The following DCAF10 variants were observed in gnomAD, a reference collection of about 807,000 sequenced individuals.
DCAF10 encodes DDB1- and CUL4-associated factor 10.
DCAF10 carries 19 observed loss-of-function variants against 51.9 expected under a neutral mutation model. The observed-to-expected ratio is 0.37, with a 90% CI of 0.26 to 0.54. The LOEUF is 0.54. DCAF10 is among the 20% of genes least tolerant of loss of function. The probability of loss-of-function intolerance (pLI) is 0.87; values close to 1 mark genes in which losing one functional copy is unlikely to be tolerated. For missense variants in DCAF10, 510 were observed against 730.6 expected (o/e 0.70, Z 3.48); for synonymous variants, 291 against 297.1 (o/e 0.98, Z 0.21).
At chr9:37,860,349 T>C (rs1392071033) in intron 6 of DCAF10, 156 bp downstream of exon 6, 1 of 928,354 alleles carries the variant, frequency 1.1e-6, no homozygotes, top group African/African-American at 1.7e-5. Context: ...CTGTCCTCTC[T>C]TGCTTCATAT....
chr9:37,852,926 G>A (rs1406677370), intron 3 of DCAF10, among the ~76,000 whole-genome samples: 1 of 98,962 alleles, frequency 1.0e-5, no homozygotes, highest in African/African-American at 3.4e-5. Flanking sequence ...TTAAGTATGT[G>A]AGGTTATATA....
chr9:37,861,764 T>G lies in DCAF10; in HGVS notation c.*256T>G. ...CTGATCTGTGCCACTGAACTCCAGT[T>G]CTTCTGGTCATTTTGCATGGTAGCT... On this transcript the variant is annotated 3_prime_UTR_variant, in exon 7 of 7. Transcript: ENST00000377724. The surrounding 1 kb of genome is among the most constrained non-coding windows in gnomAD (Gnocchi z 4.9). The G allele has an allele frequency of 2.7e-6, 1 of 371,208 alleles. No individual in the cohort carries two copies. The highest frequency in any genetic ancestry group is 4.9e-6 in the Non-Finnish European group (1 of 204,842). 23.0% of individuals were successfully genotyped at this position (371,208 alleles called of 1,614,324 possible).
intron 2 of DCAF10, among the ~76,000 whole-genome samples, chr9:37,834,213 C>A (rs926653452): frequency 6.6e-6 from 1 of 152,114 alleles, no homozygotes; most frequent in Admixed American, 6.5e-5. Context: ...ACTGGAATTA[C>A]GGGAGTGAGA....
intron 3 of DCAF10, among the ~76,000 whole-genome samples, chr9:37,848,196 A>G (rs1210536333): frequency 6.6e-6 from 1 of 152,238 alleles, no homozygotes; most frequent in Non-Finnish European, 1.5e-5. Context: ...GAGTTACCAT[A>G]TGATCCACCA....
intron 1 of DCAF10, among the ~76,000 whole-genome samples, chr9:37,817,056 C>A (rs1829561746): frequency 6.6e-6 from 1 of 151,964 alleles, no homozygotes; most frequent in South Asian, 2.1e-4. Flanking sequence ...CATAGAATAC[C>A]AATATACAGT....
chr9:37,800,651 A>ATG (rs1828887580), upstream of DCAF10: 3 of 1,535,960 alleles, frequency 2.0e-6, no homozygotes, highest in Admixed American at 2.0e-5. Flanking sequence ...CACACAGGTA[A>ATG]CTACTCGCTC....
At position 37,834,009 on chromosome 9, in the gene DCAF10, G is replaced by A. The variant is rs375580902; in HGVS notation, c.654-8080G>A. On this transcript the variant is annotated intron_variant, in intron 2 of 6. Transcript: ENST00000377724. ...GGCTGGAGTGCAGTGGTGCGATCTC[G>A]GCTCACTGCAGCCTCCGCCCCGCCA... 9.2e-5 allele frequency among the ~76,000 whole-genome samples: 14 copies of A among 152,020 alleles called. No homozygotes were observed. In the South Asian group the frequency reaches 2.7e-3, roughly 29 times the overall value.
intron 2 of DCAF10, among the ~76,000 whole-genome samples, chr9:37,831,488 T>C (rs754633796): frequency 2.0e-5 from 3 of 152,208 alleles, no homozygotes; most frequent in African/African-American, 4.8e-5. Flanking sequence ...GAATTCATAC[T>C]CAGTTCCATT....
intron 2 of DCAF10, among the ~76,000 whole-genome samples, chr9:37,822,400 C>G (rs1168048716): frequency 1.8e-5 from 2 of 109,752 alleles, no homozygotes; most frequent in Non-Finnish European, 3.7e-5. Flanking sequence ...GATAAAGAAA[C>G]TGTGATATAT....
At chr9:37,840,532 GAA>G (rs1830301539) in intron 2 of DCAF10, among the ~76,000 whole-genome samples, 1 of 151,830 alleles carries the variant, frequency 6.6e-6, no homozygotes. Flanking sequence ...TATAAAGAAA[GAA>G]AATATTTTTG....
chr9:37,814,118 ATATATATATT>A (rs1829447907), intron 1 of DCAF10, among the ~76,000 whole-genome samples: 1 of 82,776 alleles, frequency 1.2e-5, no homozygotes, highest in African/African-American at 5.3e-5. Flanking sequence ...ATATATATAT[ATATATATATT>A]TGTTGTTGTT....
intron 3 of DCAF10, among the ~76,000 whole-genome samples, chr9:37,853,743 A>AT (rs1254733236): frequency 1.3e-5 from 2 of 151,854 alleles, no homozygotes; most frequent in Non-Finnish European, 2.9e-5. Context: ...CTAACTTTTT[A>AT]TTTTTTGTAG....
intron 1 of DCAF10, among the ~76,000 whole-genome samples, chr9:37,802,575 T>G (rs1426200489): frequency 6.6e-6 from 1 of 152,042 alleles, no homozygotes; most frequent in Non-Finnish European, 1.5e-5. Context: ...AGCAAAAAAT[T>G]TTACTGAAGA....
intron 1 of DCAF10, among the ~76,000 whole-genome samples, chr9:37,814,666 T>C (rs564255496): frequency 1.8e-4 from 27 of 152,298 alleles, no homozygotes; most frequent in African/African-American, 5.8e-4. Context: ...GGCTAATTCC[T>C]AGAAAAGTAG....
At chr9:37,814,135 TGTTGTTG>T (rs1829454038) in intron 1 of DCAF10, among the ~76,000 whole-genome samples, 1 of 126,918 alleles carries the variant, frequency 7.9e-6, no homozygotes, top group East Asian at 2.4e-4. Context: ...TATTTGTTGT[TGTTGTTG>T]TTGTTGTTGT....
rs181399359 is a variant in DCAF10 at position 37,814,041 on chromosome 9, G to C, written c.540-5247G>C. Among the ~76,000 whole-genome samples, 127 of 138,198 alleles carry C rather than the reference G, an allele frequency of 9.2e-4. 1 individual carries two copies. Among genetic ancestry groups the C allele is most frequent in the Middle Eastern group, 3.9e-3 (1 of 258 alleles). 90.7% of individuals were successfully genotyped at this position (138,198 alleles called of 152,430 possible). A position where few individuals can be genotyped will look rare whatever the true frequency, so the allele number is the denominator to read the frequency against. ...AAAGAAGGTAAAAAGAAGGAATAGAGATCAGAGTGCAATTGAACCACTTTG... is the reference window on the plus strand; with the variant it reads ...AAAGAAGGTAAAAAGAAGGAATAGACATCAGAGTGCAATTGAACCACTTTG... On this transcript the variant is annotated intron_variant, in intron 1 of 6. Transcript: ENST00000377724.
chr9:37,825,228 C>T lies in DCAF10; in HGVS notation c.653+5827C>T, dbSNP rs144880554. 8.5e-5 allele frequency among the ~76,000 whole-genome samples: 13 copies of T among 152,274 alleles called. No individual in the cohort carries two copies. In the East Asian group the frequency reaches 2.5e-3, roughly 29 times the overall value. On this transcript the variant is annotated intron_variant, in intron 2 of 6. Coordinates refer to ENST00000377724, the MANE Select transcript of DCAF10 (RefSeq NM_024345.5). ...AACAACTACCATTCGACCCAGCAGT[C>T]CCATTACAGGGTATATACCCAAAGG...
At chr9:37,816,900 C>G (rs1418275482) in intron 1 of DCAF10, among the ~76,000 whole-genome samples, 1 of 152,000 alleles carries the variant, frequency 6.6e-6, no homozygotes, top group Admixed American at 6.6e-5. Flanking sequence ...TTTAACAGAA[C>G]CTGACATGGT....
At chr9:37,858,844 A>AAATC (rs1433059322) in intron 5 of DCAF10, among the ~76,000 whole-genome samples, 2 of 152,166 alleles carry the variant, frequency 1.3e-5, no homozygotes, top group African/African-American at 4.8e-5. Flanking sequence ...AGCACAAATA[A>AAATC]AATCAAAGTA....
Sources: allele counts gnomAD v4.1 joint callset (sites outside exome capture counted in the v4.1 genomes callset), GRCh38; gene constraint gnomAD v4.1.1; non-coding constraint Gnocchi (gnomAD v3.1); transcripts MANE v1.5; gene names NCBI Gene and HGNC (gene_info 2026-07-23, HGNC 2026-07-21).